The following ZNF676 variants were observed in gnomAD, a reference collection of about 807,000 sequenced individuals.
The protein encoded by ZNF676 is zinc finger protein 676.
ZNF676 carries 4 observed loss-of-function variants against 6.0 expected under a neutral mutation model. The ratio of observed to expected loss-of-function variants is 0.67; its 90% CI spans 0.33 to 1.53. The LOEUF (loss-of-function observed/expected upper bound fraction) is 1.53, where lower values mean the gene tolerates loss of function less well. Among genes scored for constraint, ZNF676 ranks in the 40% most tolerant of loss-of-function variants. The pLI is 0.06. For synonymous variants in ZNF676, 198 were observed against 223.1 expected (o/e 0.89, Z 1.00); for missense variants, 644 against 679.7 (o/e 0.95, Z 0.58).
chr19:22,241,615 C>T, the ZNF676 span, among the ~76,000 whole-genome samples: 16 of 151,392 alleles, frequency 1.1e-4, no homozygotes, highest in East Asian at 2.0e-4. Flanking sequence ...CCTGTGAGGA[C>T]GGTCTCTCTA....
upstream of ZNF676, among the ~76,000 whole-genome samples, chr19:22,198,530 T>A (rs1438597056): frequency 6.6e-6 from 1 of 152,054 alleles, no homozygotes; most frequent in Non-Finnish European, 1.5e-5. Context: ...AAAAGGCCAT[T>A]TTTTTCTCTT....
At chr19:22,195,297 T>A (rs188786816) in intron 1 of ZNF676, among the ~76,000 whole-genome samples, 2 of 152,274 alleles carry the variant, frequency 1.3e-5, no homozygotes, top group East Asian at 3.9e-4. Context: ...GGAGCCGATG[T>A]GTCAGTAATA....
chr19:22,195,056 G>C lies in ZNF676; in HGVS notation c.34+1544C>G, dbSNP rs147050981. 2.0e-4 allele frequency among the ~76,000 whole-genome samples: 31 copies of C among 152,296 alleles called. No homozygotes were observed. The East Asian group carries it at 5.4e-3, about 27-fold the overall frequency. On this transcript the variant is annotated intron_variant, in intron 1 of 2. Transcript: ENST00000397121. ...CTCCAATTATAAAGGAGAAATCCAAGTAGTTTTAATGTCACAAGATCTTTG... is the reference window on the plus strand; with the variant it reads ...CTCCAATTATAAAGGAGAAATCCAACTAGTTTTAATGTCACAAGATCTTTG...
chr19:22,213,600 A>G lies in ZNF676; in HGVS notation c.3+2032T>C, dbSNP rs149059724. 1.6e-3 allele frequency among the ~76,000 whole-genome samples: 230 copies of G among 141,120 alleles called. 1 individual carries two copies. The highest frequency in any genetic ancestry group is 6.5e-3 in the African/African-American group (215 of 33,136). The allele number at this position is 141,120 out of a possible 152,430, so 92.6% of individuals were successfully genotyped here. A position where few individuals can be genotyped will look rare whatever the true frequency, so the allele number is the denominator to read the frequency against. ...TACCTCAGGTTGTCTTATGAAAGAT[A>G]AGAGGCTACACTCCATACCTCAGGT... On this transcript the variant is annotated intron_variant, in intron 1 of 3. Coordinates refer to the ZNF676 transcript ENST00000650058.
chr19:22,201,049 A>AG (rs1464147767), upstream of ZNF676, among the ~76,000 whole-genome samples: 1 of 152,142 alleles, frequency 6.6e-6, no homozygotes, highest in Non-Finnish European at 1.5e-5. Flanking sequence ...CAGACAGAGA[A>AG]GACTCAGGAT....
intron 1 of ZNF676, among the ~76,000 whole-genome samples, chr19:22,212,078 T>C (rs1469538340): frequency 6.6e-6 from 1 of 151,394 alleles, no homozygotes; most frequent in African/African-American, 2.4e-5. Flanking sequence ...CGGGTGCCTG[T>C]AGTCCCAGCT....
intron 1 of ZNF676, among the ~76,000 whole-genome samples, chr19:22,207,757 C>T (rs2144810665): frequency 6.6e-6 from 1 of 152,102 alleles, no homozygotes; most frequent in East Asian, 1.9e-4. Context: ...ACTCATAGGC[C>T]AATGCAACAG....
chr19:22,194,613 G>GA (rs984218671), intron 1 of ZNF676, among the ~76,000 whole-genome samples: 3 of 152,060 alleles, frequency 2.0e-5, no homozygotes, highest in African/African-American at 7.2e-5. Context: ...ACCCCGAGCA[G>GA]AAAAAACACC....
At chr19:22,251,808 G>A in the ZNF676 span, among the ~76,000 whole-genome samples, 132 of 146,736 alleles carry the variant, frequency 9.0e-4, 1 homozygote, top group African/African-American at 3.1e-3. Context: ...AAAAAAATCC[G>A]GATCACTAAT....
the ZNF676 span, among the ~76,000 whole-genome samples, chr19:22,241,886 C>G: frequency 6.6e-6 from 1 of 151,796 alleles, no homozygotes; most frequent in African/African-American, 2.4e-5. Context: ...GTATGAAGTT[C>G]AAGAACTCTC....
the ZNF676 span, among the ~76,000 whole-genome samples, chr19:22,231,172 G>A: frequency 1.3e-5 from 2 of 150,952 alleles, no homozygotes; most frequent in Non-Finnish European, 2.9e-5. Context: ...TCTTTTAGAA[G>A]TTTTATGTAA....
intron 1 of ZNF676, among the ~76,000 whole-genome samples, chr19:22,202,126 T>C (rs1282965654): frequency 6.6e-6 from 1 of 151,932 alleles, no homozygotes; most frequent in African/African-American, 2.4e-5. Flanking sequence ...TAGCAGCAGG[T>C]GGTATCTGAA....
At chr19:22,194,637 C>T (rs777021899) in intron 1 of ZNF676, among the ~76,000 whole-genome samples, 5 of 152,106 alleles carry the variant, frequency 3.3e-5, no homozygotes, top group African/African-American at 7.2e-5. Flanking sequence ...ATTCTGTCCT[C>T]GCTGTAACAA....
intron 1 of ZNF676, among the ~76,000 whole-genome samples, chr19:22,202,316 A>T (rs2024034298): frequency 6.6e-6 from 1 of 152,272 alleles, no homozygotes; most frequent in Non-Finnish European, 1.5e-5. Flanking sequence ...TGACCTATAA[A>T]GTTTGTAGAA....
chr19:22,251,639 T>C, the ZNF676 span, among the ~76,000 whole-genome samples: 1 of 151,988 alleles, frequency 6.6e-6, no homozygotes, highest in Admixed American at 6.6e-5. Context: ...AATACAAAAA[T>C]TAGCCGGGCG....
chr19:22,202,587 A>G (rs575240909), intron 1 of ZNF676, among the ~76,000 whole-genome samples: 1 of 152,344 alleles, frequency 6.6e-6, no homozygotes, highest in East Asian at 1.9e-4. Flanking sequence ...GAGGAATTAA[A>G]TAATAACAGA....
At chr19:22,250,355 G>T in the ZNF676 span, among the ~76,000 whole-genome samples, 1 of 152,066 alleles carries the variant, frequency 6.6e-6, no homozygotes, top group Non-Finnish European at 1.5e-5. Context: ...AAATAGTTTG[G>T]AAAGCTAAGT....
chr19:22,227,636 A>T, the ZNF676 span, among the ~76,000 whole-genome samples: 1 of 152,196 alleles, frequency 6.6e-6, no homozygotes, highest in South Asian at 2.1e-4. Flanking sequence ...AGAAGAAAAG[A>T]GAGAGGAATC....
At chr19:22,209,783 T>G (rs1347277036) in intron 1 of ZNF676, among the ~76,000 whole-genome samples, 1 of 152,196 alleles carries the variant, frequency 6.6e-6, no homozygotes, top group East Asian at 1.9e-4. Context: ...CAGATAAGAT[T>G]ATGAATCCTA....
Sources: allele counts gnomAD v4.1 joint callset (sites outside exome capture counted in the v4.1 genomes callset), GRCh38; gene constraint gnomAD v4.1.1; transcripts MANE v1.5; gene names NCBI Gene and HGNC (gene_info 2026-07-23, HGNC 2026-07-21).